The following MAN2A1 variants were observed in gnomAD, a reference collection of about 807,000 sequenced individuals.
MAN2A1 encodes the protein alpha-mannosidase 2.
Under a neutral mutation model 142.6 loss-of-function variants are expected in MAN2A1, and 76 were observed. The observed-to-expected ratio is 0.53, with a 90% CI of 0.44 to 0.65. MAN2A1 has a LOEUF of 0.65. MAN2A1 is among the 30% of genes least tolerant of loss of function. The pLI is 0.00. For missense variants in MAN2A1, 1,311 were observed against 1,365.1 expected, an observed-to-expected ratio of 0.96 and a Z score of 0.62; for synonymous variants, 559 against 473.2, an observed-to-expected ratio of 1.18 and a Z score of -2.35.
Position 109,867,664 on chromosome 5 carries a change from A to G in MAN2A1, c.*666A>G, listed in dbSNP as rs1360713311. On this transcript the variant is annotated 3_prime_UTR_variant, in exon 22 of 22. Transcript: ENST00000261483. The stretch of plus-strand genomic sequence containing the variant: ...AAAAGAGGCATATTTTCATTACTTG[A>G]CAATGTGGGATGGGTGCAATTTATT... 1.3e-5 allele frequency: 2 copies of G among 152,680 alleles called. No individual in the cohort carries two copies. The highest frequency in any genetic ancestry group is 3.4e-3 in the Middle Eastern group (1 of 294). 9.5% of individuals were successfully genotyped at this position (152,680 alleles called of 1,614,324 possible).
At chr5:109,749,649 T>C (rs1752495425) in intron 4 of MAN2A1, among the ~76,000 whole-genome samples, 1 of 152,102 alleles carries the variant, frequency 6.6e-6, no homozygotes, top group African/African-American at 2.4e-5. Flanking sequence ...TCATGAAGTG[T>C]ACATGTAAAA....
intron 20 of MAN2A1, among the ~76,000 whole-genome samples, chr5:109,858,063 G>C (rs767473274): frequency 1.1e-4 from 16 of 152,162 alleles, no homozygotes; most frequent in Non-Finnish European, 1.3e-4. Flanking sequence ...TGCAGATTAG[G>C]GTTTTAGCAG....
chr5:109,769,805 C>T (rs1442312660), intron 6 of MAN2A1, among the ~76,000 whole-genome samples: 3 of 152,166 alleles, frequency 2.0e-5, no homozygotes, highest in African/African-American at 7.2e-5. Context: ...TGTAGATTCT[C>T]CTGGGTTGCA....
At chr5:109,735,080 G>C (rs1328796868) in intron 4 of MAN2A1, among the ~76,000 whole-genome samples, 6 of 152,114 alleles carry the variant, frequency 3.9e-5, no homozygotes, top group Admixed American at 6.6e-5. Context: ...TGTATATTTA[G>C]GATAGTTAGC....
intron 12 of MAN2A1, among the ~76,000 whole-genome samples, chr5:109,813,618 C>T (rs144429278): frequency 1.3e-5 from 2 of 152,250 alleles, no homozygotes; most frequent in Non-Finnish European, 2.9e-5. Flanking sequence ...GTTCCTTCCA[C>T]TTTGTACTGC....
intron 13 of MAN2A1, among the ~76,000 whole-genome samples, chr5:109,818,382 T>G (rs1406222498): frequency 1.3e-5 from 2 of 152,078 alleles, no homozygotes; most frequent in African/African-American, 4.8e-5. Flanking sequence ...GTGATCCACC[T>G]TCTAGCTACT....
At chr5:109,778,705 C>T (rs1753363425) in intron 8 of MAN2A1, among the ~76,000 whole-genome samples, 1 of 151,940 alleles carries the variant, frequency 6.6e-6, no homozygotes, top group Admixed American at 6.6e-5. Flanking sequence ...CATTTTTATC[C>T]CTTAAGTTCT....
At chr5:109,804,139 T>C (rs1754103080) in intron 12 of MAN2A1, 3 of 986,790 alleles carry the variant, frequency 3.0e-6, no homozygotes, top group Non-Finnish European at 3.6e-6. Context: ...AGATTTTTTT[T>C]CCTTCTAAAT....
intron 20 of MAN2A1, among the ~76,000 whole-genome samples, chr5:109,857,967 C>G (rs76686304): frequency 6.6e-6 from 1 of 152,122 alleles, no homozygotes; most frequent in East Asian, 1.9e-4. Flanking sequence ...TAAAAACAGA[C>G]GAAATCCTAT....
chr5:109,714,386 T>A (rs960207312), intron 2 of MAN2A1, among the ~76,000 whole-genome samples: 1 of 152,330 alleles, frequency 6.6e-6, no homozygotes, highest in East Asian at 1.9e-4. Context: ...ATATATTGAT[T>A]ATGAGTTAAG....
chr5:109,776,185 A>G (rs1364944604), intron 8 of MAN2A1, among the ~76,000 whole-genome samples: 1 of 152,018 alleles, frequency 6.6e-6, no homozygotes, highest in Non-Finnish European at 1.5e-5. Context: ...CTGTGAAAAT[A>G]CTATAGAAAG....
chr5:109,857,070 A>G (rs1268322073), intron 20 of MAN2A1, among the ~76,000 whole-genome samples: 1 of 152,206 alleles, frequency 6.6e-6, no homozygotes, highest in Non-Finnish European at 1.5e-5. Context: ...ATAATGGAGT[A>G]AAAATCTGAA....
chr5:109,695,244 G>A (rs1310959873), intron 1 of MAN2A1, among the ~76,000 whole-genome samples: 1 of 152,246 alleles, frequency 6.6e-6, no homozygotes, highest in East Asian at 1.9e-4. Flanking sequence ...ATTGAATTGG[G>A]TGTGTTGTTC....
chr5:109,834,832 A>G (rs1412946814), intron 16 of MAN2A1, among the ~76,000 whole-genome samples: 1 of 152,200 alleles, frequency 6.6e-6, no homozygotes, highest in Non-Finnish European at 1.5e-5. Flanking sequence ...ACATTTACAG[A>G]CCCAGAAATC....
rs1214385611 is a variant in MAN2A1, at chr5:109,840,747, G to A, written c.2567-1581G>A. On this transcript the variant is annotated intron_variant, in intron 16 of 21. Coordinates refer to ENST00000261483, the MANE Select transcript of MAN2A1 (RefSeq NM_002372.4). ...AAGGGGGATGGAAGGGAAACTGCCTGCTATGGCGTGCCCTGCCCCAGCCAA... is the reference window on the plus strand; with the variant it reads ...AAGGGGGATGGAAGGGAAACTGCCTACTATGGCGTGCCCTGCCCCAGCCAA... 12 of 349,544 alleles carry A rather than the reference G, an allele frequency of 3.4e-5. No homozygotes were observed. In the East Asian group the frequency reaches 9.1e-4, roughly 27 times the overall value. 21.7% of individuals were successfully genotyped at this position (349,544 alleles called of 1,614,324 possible).
intron 19 of MAN2A1, among the ~76,000 whole-genome samples, chr5:109,848,220 T>C (rs1001092748): frequency 6.6e-6 from 1 of 152,184 alleles, no homozygotes; most frequent in African/African-American, 2.4e-5. Flanking sequence ...GACTCTTCAG[T>C]TGAAAATGTA....
intron 1 of MAN2A1, among the ~76,000 whole-genome samples, chr5:109,708,509 G>GACACACACAC (rs145989678): frequency 0.05 from 6,273 of 124,512 alleles, 276 homozygotes; most frequent in African/African-American, 0.083. Flanking sequence ...GAACTGATAG[G>GACACACACAC]ACACACACAC....
chr5:109,733,707 G>A (rs1279507814), intron 4 of MAN2A1, among the ~76,000 whole-genome samples: 1 of 152,124 alleles, frequency 6.6e-6, no homozygotes, highest in Non-Finnish European at 1.5e-5. Flanking sequence ...TCCCAGGGAT[G>A]AAGCCCACTT....
intron 5 of MAN2A1, among the ~76,000 whole-genome samples, chr5:109,757,195 C>G (rs1232191851): frequency 6.6e-6 from 1 of 151,922 alleles, no homozygotes; most frequent in East Asian, 1.9e-4. Flanking sequence ...AATCACCAAA[C>G]CTGAAGGTGG....
Sources: allele counts gnomAD v4.1 joint callset (sites outside exome capture counted in the v4.1 genomes callset), GRCh38; gene constraint gnomAD v4.1.1; transcripts MANE v1.5; gene names NCBI Gene and HGNC (gene_info 2026-07-23, HGNC 2026-07-21).